The following RAB5C variants were observed in gnomAD, a reference collection of about 807,000 sequenced individuals.
RAB5C encodes the protein ras-related protein Rab-5C.
Under a neutral mutation model 25.2 loss-of-function variants are expected in RAB5C, and 4 were observed. That is an observed-to-expected ratio of 0.16 (90% CI 0.08 to 0.36). The LOEUF is 0.36. Ranked by LOEUF, RAB5C falls within the 10% of genes least tolerant of loss-of-function variation. RAB5C has a pLI of 1.00. For synonymous variants in RAB5C, 100 were observed against 106.4 expected, an observed-to-expected ratio of 0.94 and a Z score of 0.37; for missense variants, 199 against 283.8, an observed-to-expected ratio of 0.70 and a Z score of 2.15.
intron 1 of RAB5C, among the ~76,000 whole-genome samples, chr17:42,152,824 T>A (rs1247655680): frequency 6.7e-6 from 1 of 150,070 alleles, no homozygotes; most frequent in Non-Finnish European, 1.5e-5. Context: ...TGGGAGAGCA[T>A]GTCCAGACAA....
At chr17:42,133,353 G>C (rs2054505323) in intron 1 of RAB5C, among the ~76,000 whole-genome samples, 1 of 152,166 alleles carries the variant, frequency 6.6e-6, no homozygotes, top group Non-Finnish European at 1.5e-5. Context: ...ACCGAGCTGG[G>C]AAGTAACCAG....
intron 1 of RAB5C, among the ~76,000 whole-genome samples, chr17:42,153,560 G>A (rs544250921): frequency 6.6e-6 from 1 of 152,328 alleles, no homozygotes; most frequent in South Asian, 2.1e-4. Context: ...GCAAGCGAGG[G>A]TGGTAAAGGT....
chr17:42,152,156 CAA>C (rs2079675852), intron 1 of RAB5C, among the ~76,000 whole-genome samples: 1 of 151,362 alleles, frequency 6.6e-6, no homozygotes, highest in Non-Finnish European at 1.5e-5. Context: ...AAATTAAAAA[CAA>C]AGTGGGGAAA....
At chr17:42,142,131 G>A (rs1568023245) in intron 1 of RAB5C, among the ~76,000 whole-genome samples, 1 of 151,190 alleles carries the variant, frequency 6.6e-6, no homozygotes, top group South Asian at 2.1e-4. Context: ...TCTGCATGGG[G>A]TGAAGGCCCC....
intron 1 of RAB5C, among the ~76,000 whole-genome samples, chr17:42,152,935 A>T (rs2079681641): frequency 6.6e-6 from 1 of 152,176 alleles, no homozygotes; most frequent in African/African-American, 2.4e-5. Context: ...CTGGTCAGAG[A>T]CCAATGGCCA....
chr17:42,128,142 A>G, intron 4 of RAB5C, 119 bp downstream of exon 4: 1 of 1,399,126 alleles, frequency 7.1e-7, no homozygotes, highest in African/African-American at 1.4e-5. Flanking sequence ...AGAGGACAGC[A>G]GATGGAAGCT....
intron 1 of RAB5C, among the ~76,000 whole-genome samples, chr17:42,143,624 G>T (rs1340001212): frequency 2.0e-5 from 3 of 147,928 alleles, no homozygotes; most frequent in African/African-American, 7.9e-5. Flanking sequence ...GGGACAGAGT[G>T]AGTCTGTCTC....
intron 1 of RAB5C, among the ~76,000 whole-genome samples, chr17:42,153,281 T>A (rs956685672): frequency 6.6e-6 from 1 of 151,944 alleles, no homozygotes; most frequent in Non-Finnish European, 1.5e-5. Context: ...CCGGGTGTGG[T>A]GGCAGGCGCC....
chr17:42,128,672 C>A lies in RAB5C; in HGVS notation c.295G>T (p.Val99Leu). ...ACTGTGTTGGTGATGTCATAGACCA[C>A]GATGGCAGCCTGGGCCCCCCGATAG... The part of the protein sequence containing the change: ...MYYRGAQAAI[V>L]VYDITNTDTF... Residue 99 changes from valine (V) to leucine (L), a missense_variant, in exon 3 of 6, where the codon GTG becomes TTG. Val to Leu is a conservative substitution (Grantham distance 32). Coordinates refer to ENST00000346213, the MANE Select transcript of RAB5C (RefSeq NM_004583.4). The A allele has an allele frequency of 6.7e-7, 1 of 1,499,044 alleles. No homozygotes were observed. Among genetic ancestry groups the A allele is most frequent in the Non-Finnish European group, 8.9e-7 (1 of 1,125,566 alleles). The allele number at this position is 1,499,044 out of a possible 1,614,324, so 92.9% of individuals were successfully genotyped here. A position where few individuals can be genotyped will look rare whatever the true frequency, so the allele number is the denominator to read the frequency against.
At chr17:42,153,132 T>C (rs1036334492) in intron 1 of RAB5C, among the ~76,000 whole-genome samples, 1 of 152,124 alleles carries the variant, frequency 6.6e-6, no homozygotes, top group Admixed American at 6.5e-5. Context: ...GTGAAATAAG[T>C]AGGCCGGGCA....
At chr17:42,127,826 TG>T (rs1160875335) in intron 4 of RAB5C, among the ~76,000 whole-genome samples, 7 of 149,912 alleles carry the variant, frequency 4.7e-5, no homozygotes, top group South Asian at 2.1e-4. Flanking sequence ...CACACCTGGC[TG>T]TTTTTTTTTT....
intron 1 of RAB5C, among the ~76,000 whole-genome samples, chr17:42,141,637 G>A (rs2079603897): frequency 6.6e-6 from 1 of 152,174 alleles, no homozygotes; most frequent in African/African-American, 2.4e-5. Flanking sequence ...GAGCTTAAGA[G>A]CACAAGTGCT....
intron 1 of RAB5C, among the ~76,000 whole-genome samples, chr17:42,134,555 G>A (rs2054517444): frequency 6.6e-6 from 1 of 152,140 alleles, no homozygotes; most frequent in Non-Finnish European, 1.5e-5. Flanking sequence ...CCAGCTTGGG[G>A]CAAAAGAGTA....
chr17:42,141,150 C>A (rs2079601311), intron 1 of RAB5C, among the ~76,000 whole-genome samples: 1 of 152,146 alleles, frequency 6.6e-6, no homozygotes, highest in Non-Finnish European at 1.5e-5. Context: ...TTTTGCTGAA[C>A]AAACTGTAGA....
intron 1 of RAB5C, chr17:42,136,505 G>C (rs191219570): frequency 6.6e-6 from 1 of 152,164 alleles, no homozygotes; most frequent in Non-Finnish European, 1.5e-5. Context: ...CCACTCCACC[G>C]TTTATTAGCC....
At chr17:42,141,028 C>T (rs923862345) in intron 1 of RAB5C, among the ~76,000 whole-genome samples, 3 of 152,050 alleles carry the variant, frequency 2.0e-5, no homozygotes, top group Non-Finnish European at 2.9e-5. Context: ...GGGGTTTCAC[C>T]ATGTTGCCCA....
chr17:42,145,405 T>A (rs1019461037), intron 1 of RAB5C, among the ~76,000 whole-genome samples: 2 of 152,130 alleles, frequency 1.3e-5, no homozygotes, highest in Admixed American at 1.3e-4. Context: ...GAAAGGCTTG[T>A]GGATTGTATG....
At chr17:42,141,990 G>A (rs897413368) in intron 1 of RAB5C, among the ~76,000 whole-genome samples, 4 of 152,026 alleles carry the variant, frequency 2.6e-5, no homozygotes, top group South Asian at 4.2e-4. Context: ...AGAGAATGCT[G>A]AAGAGGACGT....
intron 1 of RAB5C, among the ~76,000 whole-genome samples, chr17:42,141,873 T>A (rs1257626106): frequency 6.6e-6 from 1 of 152,112 alleles, no homozygotes; most frequent in Non-Finnish European, 1.5e-5. Flanking sequence ...GCGCCTTCAC[T>A]TCCCTGTGAA....
Sources: allele counts gnomAD v4.1 joint callset (sites outside exome capture counted in the v4.1 genomes callset), GRCh38; gene constraint gnomAD v4.1.1; transcripts MANE v1.5; gene names NCBI Gene and HGNC (gene_info 2026-07-23, HGNC 2026-07-21).